Variants in ANKMY1 observed in about 807,000 individuals in gnomAD.
ANKMY1 encodes the protein ankyrin repeat and MYND domain-containing protein 1.
ANKMY1 carries 98 observed loss-of-function variants against 102.0 expected under a neutral mutation model. The observed-to-expected ratio is 0.96, with a 90% confidence interval of 0.82 to 1.14. The LOEUF (loss-of-function observed/expected upper bound fraction) is 1.14, where lower values mean the gene tolerates loss of function less well. ANKMY1 is among the 50% of genes most tolerant of loss of function. ANKMY1 has a pLI of 0.00. For synonymous variants in ANKMY1, 582 were observed against 559.9 expected, an observed-to-expected ratio of 1.04 and a Z score of -0.56; for missense variants, 1,330 against 1,347.6, an observed-to-expected ratio of 0.99 and a Z score of 0.20.
At chr2:240,524,449 T>G in intron 7 of ANKMY1, 68 bp from the exon 8 acceptor site, 1 of 1,516,052 alleles carries the variant, frequency 6.6e-7, no homozygotes, top group Non-Finnish European at 8.9e-7. Flanking sequence ...AGGACCTTCT[T>G]CAGCAAGGAC....
chr2:240,540,644 G>A (rs1483601437), intron 4 of ANKMY1, among the ~76,000 whole-genome samples: 1 of 152,080 alleles, frequency 6.6e-6, no homozygotes, highest in Non-Finnish European at 1.5e-5. Context: ...CATGGAAATG[G>A]ATTTGAGACT....
At chr2:240,528,837 C>T (rs1559336689) in intron 5 of ANKMY1, among the ~76,000 whole-genome samples, 200 bp downstream of exon 5, 3 of 152,268 alleles carry the variant, frequency 2.0e-5, no homozygotes, top group African/African-American at 4.8e-5. Flanking sequence ...CCCCAGGACC[C>T]GGCCTGCCTC....
intron 15 of ANKMY1, among the ~76,000 whole-genome samples, chr2:240,493,967 G>A (rs1203902111): frequency 1.3e-5 from 2 of 152,216 alleles, no homozygotes; most frequent in African/African-American, 2.4e-5. Flanking sequence ...CAAACAGTGT[G>A]TACTGATGTT....
In ANKMY1 at chr2:240,524,025, G is replaced by A. The variant is rs142172344; in HGVS notation, c.1692C>T (p.Cys564=). 78 of 1,613,774 alleles carry A rather than the reference G, an allele frequency of 4.8e-5. No individual in the cohort carries two copies. The highest frequency in any genetic ancestry group is 1.3e-4 in the African/African-American group (10 of 74,930). The change falls in exon 8 of 18, where the codon TGC becomes TGT. Residue 564 remains cysteine (C), a synonymous_variant. Coordinates refer to ENST00000401804, the MANE Select transcript of ANKMY1 (RefSeq NM_001282771.3). ...ETKFESNVCV[C]DFSIELSQAM... is the part of the protein sequence containing the mutation. ...CCTGCGAGAGCTCGATGGAGAAGTCGCACACACACACGTTGGACTCAAATT... is the reference window on the plus strand; with the variant it reads ...CCTGCGAGAGCTCGATGGAGAAGTCACACACACACACGTTGGACTCAAATT...
In ANKMY1 at chr2:240,500,301, G is replaced by T. The variant is rs559343976; in HGVS notation, c.2640+151C>A. On this transcript the variant is annotated intron_variant, in intron 14 of 17. Coordinates refer to ENST00000401804, the MANE Select transcript of ANKMY1 (RefSeq NM_001282771.3). The stretch of plus-strand genomic sequence containing the variant: ...CACCTGGCATGAGCTCAGCACTTTG[G>T]GGGGTTCACCTCTGCAGCCAAGGGG... 42 of 1,123,356 alleles carry T rather than the reference G, an allele frequency of 3.7e-5. No homozygotes were observed. In the East Asian group the frequency reaches 5.6e-4, roughly 15 times the overall value. 69.6% of individuals were successfully genotyped at this position (1,123,356 alleles called of 1,614,324 possible). A position where few individuals can be genotyped will look rare whatever the true frequency, so the allele number is the denominator to read the frequency against.
At position 240,557,350 on chromosome 2, in the gene ANKMY1, A is replaced by G. The variant is rs546487938; in HGVS notation, c.-15T>C. ...GCCCCTTCCATGTCTGTGGTCTTCC[A>G]ACCTGCAAGCGACGTCAGGACCGCA... On this transcript the variant is annotated splice_region_variant and 5_prime_UTR_variant, in exon 2 of 18. Transcript: ENST00000401804. 12 of 1,516,902 alleles carry G rather than the reference A, an allele frequency of 7.9e-6. No homozygotes were observed. The South Asian group carries it at 1.5e-4, about 19-fold the overall frequency. The allele number at this position is 1,516,902 out of a possible 1,614,324, so 94.0% of individuals were successfully genotyped here.
chr2:240,492,472 G>C (rs188629111), intron 15 of ANKMY1, among the ~76,000 whole-genome samples: 1 of 152,128 alleles, frequency 6.6e-6, no homozygotes, highest in African/African-American at 2.4e-5. Flanking sequence ...TTCAAGTTTT[G>C]AGATTTCCTC....
chr2:240,548,507 T>A (rs1291597751), intron 4 of ANKMY1, among the ~76,000 whole-genome samples: 5 of 152,090 alleles, frequency 3.3e-5, no homozygotes, highest in Non-Finnish European at 7.4e-5. Context: ...TTGGAAGTTC[T>A]GGCCAGGGCA....
intron 15 of ANKMY1, among the ~76,000 whole-genome samples, chr2:240,496,254 T>G (rs950625380): frequency 1.3e-5 from 2 of 152,238 alleles, no homozygotes; most frequent in African/African-American, 4.8e-5. Flanking sequence ...CCTAGATAGA[T>G]AAATTATTTT....
At chr2:240,476,226 A>G (rs531850342), downstream of ANKMY1, among the ~76,000 whole-genome samples, 99 of 152,372 alleles carry the variant, frequency 6.5e-4, no homozygotes, top group African/African-American at 2.2e-3. Flanking sequence ...CAAGGGGACC[A>G]AGAATATACA....
chr2:240,506,437 C>T lies in ANKMY1; in HGVS notation c.2526+1123G>A, dbSNP rs1207519516. On this transcript the variant is annotated intron_variant, in intron 13 of 17. Transcript: ENST00000401804. This position sits in a 1 kb window ranked among gnomAD's most constrained non-coding sequence, Gnocchi z 4.9. ...GCCGCCTATGGAAAACTGACTTCTG[C>T]GTCCTCACTTAGTCTATCCAGACAG... is the stretch of plus-strand genomic sequence containing the variant. Among the ~76,000 whole-genome samples, 4 of 152,310 alleles carry T rather than the reference C, an allele frequency of 2.6e-5. No individual in the cohort carries two copies. Among genetic ancestry groups the T allele is most frequent in the South Asian group, 2.1e-4 (1 of 4,828 alleles).
At chr2:240,554,842 C>A (rs368853017) in intron 3 of ANKMY1, 24 bp downstream of exon 3, 2 of 1,612,356 alleles carry the variant, frequency 1.2e-6, no homozygotes, top group Non-Finnish European at 1.7e-6. Context: ...GGGGAGGAGG[C>A]GGAGAAAGTG....
chr2:240,555,111 G>GAAGGC, intron 2 of ANKMY1, 56 bp from the exon 3 acceptor site: 2 of 1,565,248 alleles, frequency 1.3e-6, no homozygotes, highest in African/African-American at 1.4e-5. Flanking sequence ...TGCCTTCAGT[G>GAAGGC]ACTGCTGAGC....
intron 4 of ANKMY1, among the ~76,000 whole-genome samples, chr2:240,542,377 C>T (rs969095729): frequency 2.2e-4 from 34 of 151,914 alleles, no homozygotes; most frequent in Non-Finnish European, 3.5e-4. Context: ...TGGTGGCAGG[C>T]GCCTGTAATC....
At chr2:240,550,347 ACT>A (rs2091271786) in intron 4 of ANKMY1, among the ~76,000 whole-genome samples, 1 of 124,434 alleles carries the variant, frequency 8.0e-6, no homozygotes, top group East Asian at 2.4e-4. Flanking sequence ...GGAACATCAC[ACT>A]CTGGGGACTG....
chr2:240,536,480 A>G (rs1408299476), intron 4 of ANKMY1, among the ~76,000 whole-genome samples: 1 of 152,212 alleles, frequency 6.6e-6, no homozygotes, highest in African/African-American at 2.4e-5. Context: ...GGGAAAGGCC[A>G]TTTCAGGCCA....
At position 240,526,316 on chromosome 2, in the gene ANKMY1, G is replaced by A. The variant is rs921892048; in HGVS notation, c.1083C>T (p.His361=). The stretch of plus-strand genomic sequence containing the variant: ...CCTTCAGGATCCTACAAATCCATTC[G>A]TGGTTCCCTTCCTCAGCCTTTAGGA... ...EMILKAEEGN[H]EWICRILKDN... is the part of the protein sequence containing the mutation. The change falls in exon 6 of 18, where the codon CAC becomes CAT. Residue 361 remains histidine (H), a synonymous_variant. Coordinates refer to ENST00000401804, the MANE Select transcript of ANKMY1 (RefSeq NM_001282771.3). 8 of 1,614,076 alleles carry A rather than the reference G, an allele frequency of 5.0e-6. No individual in the cohort carries two copies. Among genetic ancestry groups the A allele is most frequent in the Admixed American group, 1.7e-5 (1 of 60,006 alleles).
chr2:240,501,920 C>A (rs886289031), intron 13 of ANKMY1, among the ~76,000 whole-genome samples: 2 of 152,330 alleles, frequency 1.3e-5, no homozygotes, highest in East Asian at 3.9e-4. Context: ...ACCCATGAGA[C>A]CCCCATCGTC....
chr2:240,553,808 T>C (rs1190118982), intron 3 of ANKMY1: 1 of 151,816 alleles, frequency 6.6e-6, no homozygotes, highest in East Asian at 1.9e-4. Context: ...GGCAGGAGAA[T>C]CACTAGAACC....
Sources: allele counts gnomAD v4.1 joint callset (sites outside exome capture counted in the v4.1 genomes callset), GRCh38; gene constraint gnomAD v4.1.1; non-coding constraint Gnocchi (gnomAD v3.1); transcripts MANE v1.5; gene names NCBI Gene and HGNC (gene_info 2026-07-23, HGNC 2026-07-21).